The following PI4KA variants were observed in gnomAD, a reference collection of about 807,000 sequenced individuals.
The protein encoded by PI4KA is phosphatidylinositol 4-kinase alpha, also known as PI4-kinase alpha.
Under a neutral mutation model 271.4 loss-of-function variants are expected in PI4KA, and 122 were observed. The ratio of observed to expected loss-of-function variants is 0.45; its 90% confidence interval spans 0.39 to 0.52. The LOEUF is 0.52. PI4KA is among the 20% of genes least tolerant of loss of function. The probability of loss-of-function intolerance (pLI) is 0.00; values close to 1 mark genes in which losing one functional copy is unlikely to be tolerated. For synonymous variants in PI4KA, 1,041 were observed against 1,078.8 expected (o/e 0.96, Z 0.69); for missense variants, 1,969 against 2,769.1 (o/e 0.71, Z 6.48).
At chr22:20,734,876 C>T (rs1266661262) in intron 32 of PI4KA, among the ~76,000 whole-genome samples, 1 of 152,138 alleles carries the variant, frequency 6.6e-6, no homozygotes, top group Non-Finnish European at 1.5e-5. Context: ...TTCTCTATAA[C>T]CCTGATAACC....
intron 41 of PI4KA, 56 bp downstream of exon 41, chr22:20,727,174 T>C: frequency 6.5e-7 from 1 of 1,531,204 alleles, no homozygotes; most frequent in South Asian, 1.2e-5. Context: ...TCTCACCAGG[T>C]AAGACCCCTC....
rs751110970 is a variant in PI4KA, at chr22:20,753,134, G to A, written c.2838C>T (p.Ala946=). The A allele has an allele frequency of 2.8e-5, 45 of 1,613,804 alleles. No individual in the cohort carries two copies. The highest frequency in any genetic ancestry group is 1.5e-5 in the Non-Finnish European group (18 of 1,180,052). Reference sequence around the variant, plus strand: ...CTTTATCCGCCATCATGTTCAGGAAGGCATCGAATACTTTGTCCGCGACTG... The same window carrying A: ...CTTTATCCGCCATCATGTTCAGGAAAGCATCGAATACTTTGTCCGCGACTG... ...VIAVADKVFD[A]FLNMMADKAK... The change falls in exon 24 of 55, where the codon GCC becomes GCT. Residue 946 remains alanine (A), a synonymous_variant. Coordinates refer to ENST00000255882, the MANE Select transcript of PI4KA (RefSeq NM_058004.4).
Position 20,813,433 on chromosome 22 carries a change from G to A in PI4KA, c.930C>T (p.Val310=), listed in dbSNP as rs868505083. 2 of 1,613,418 alleles carry A rather than the reference G, an allele frequency of 1.2e-6. No homozygotes were observed. Among genetic ancestry groups the A allele is most frequent in the South Asian group, 1.1e-5 (1 of 91,064 alleles). The change falls in exon 8 of 55, where the codon GTC becomes GTT. Residue 310 remains valine, a synonymous_variant. Coordinates refer to ENST00000255882, the MANE Select transcript of PI4KA (RefSeq NM_058004.4). The stretch of plus-strand genomic sequence containing the variant: ...ATGTGACACCGTTGAAAAGGGGAGA[G>A]ACTGAGAAGCTGGAGCTGATGGTTG... The part of the protein sequence containing the change: ...YFSTISSSFS[V]SPLFNGVTYK...
chr22:20,813,549 A>C (rs752427641), intron 7 of PI4KA, 43 bp from the exon 8 acceptor site: 1 of 1,598,504 alleles, frequency 6.3e-7, no homozygotes, highest in Admixed American at 1.7e-5. Context: ...GGTGACAGGC[A>C]ACTAGGGTAC....
rs561975878 is a variant in PI4KA, at chr22:20,801,045, C to T, written c.1724+928G>A. Among the ~76,000 whole-genome samples, 491 of 148,792 alleles carry T rather than the reference C, an allele frequency of 3.3e-3. 4 individuals are homozygous for T. Among genetic ancestry groups the T allele is most frequent in the African/African-American group, 0.012 (468 of 40,552 alleles). ...AGCTGGGATTACAGGCACGTGCCAC[C>T]ACGCCCGGCTAATTTTTTGTATTTG... is the stretch of plus-strand genomic sequence containing the variant. On this transcript the variant is annotated intron_variant, in intron 14 of 54. Transcript: ENST00000255882.
intron 16 of PI4KA, 34 bp from the exon 17 acceptor site, chr22:20,798,721 G>C: frequency 2.1e-6 from 3 of 1,428,786 alleles, no homozygotes; most frequent in Non-Finnish European, 3.0e-6. Flanking sequence ...TCACCATGCA[G>C]GATGCCCTCA....
chr22:20,801,894 A>T (rs1935354267), intron 14 of PI4KA, 79 bp downstream of exon 14: 1 of 1,466,136 alleles, frequency 6.8e-7, no homozygotes, highest in Admixed American at 1.8e-5. Flanking sequence ...TCAAAAAAGA[A>T]GTATAAATGT....
chr22:20,848,047 G>A (rs1926488122), intron 1 of PI4KA, among the ~76,000 whole-genome samples: 1 of 152,010 alleles, frequency 6.6e-6, no homozygotes, highest in Admixed American at 6.6e-5. Flanking sequence ...AGACCAGCCT[G>A]GCCAACATGG....
chr22:20,809,000 G>T (rs77308208), intron 9 of PI4KA, among the ~76,000 whole-genome samples: 152 of 152,278 alleles, frequency 1.0e-3, no homozygotes, highest in African/African-American at 3.5e-3. Flanking sequence ...GAGAGTGTGA[G>T]AGTCATGCCA....
Position 20,733,850 on chromosome 22 carries a change from G to C in PI4KA, c.4053-7C>G, listed in dbSNP as rs758367270. The C allele has an allele frequency of 6.2e-7, 1 of 1,612,082 alleles. No homozygotes were observed. Among genetic ancestry groups the C allele is most frequent in the Non-Finnish European group, 8.5e-7 (1 of 1,179,864 alleles). ...CAGCCCCAGGGTCAGCAGCCTGTGA[G>C]GGAGCCCCGGACCCAGTTAGAGCAG... On this transcript the variant is annotated splice_polypyrimidine_tract_variant and splice_region_variant and intron_variant, in intron 34 of 54. Coordinates refer to ENST00000255882, the MANE Select transcript of PI4KA (RefSeq NM_058004.4).
chr22:20,842,214 C>T (rs1360885012), intron 1 of PI4KA, among the ~76,000 whole-genome samples: 1 of 151,574 alleles, frequency 6.6e-6, no homozygotes, highest in Admixed American at 6.6e-5. Context: ...GGCAACAGAG[C>T]AAGACTCCAT....
rs187004115 is a variant in PI4KA, at chr22:20,830,795, G to T, written c.367+3767C>A. Among the ~76,000 whole-genome samples, 258 of 152,198 alleles carry T rather than the reference G, an allele frequency of 1.7e-3. 2 individuals carry two copies. The highest frequency in any genetic ancestry group is 6.0e-3 in the African/African-American group (249 of 41,518). ...TGTTGTTTGTTCTTTTTTTGAGACA[G>T]AGTTTCATTCCTGTTGCCCAGGCTG... On this transcript the variant is annotated intron_variant, in intron 3 of 54. Transcript: ENST00000255882.
chr22:20,740,462 A>G (rs976338194), intron 32 of PI4KA, among the ~76,000 whole-genome samples: 3 of 151,906 alleles, frequency 2.0e-5, no homozygotes, highest in South Asian at 4.1e-4. Flanking sequence ...GGAAGTAAAA[A>G]AAAAAAAGAA....
chr22:20,854,452 C>A (rs1927350419), intron 1 of PI4KA, among the ~76,000 whole-genome samples: 1 of 151,912 alleles, frequency 6.6e-6, no homozygotes, highest in Admixed American at 6.6e-5. Flanking sequence ...GTAAAGTCCA[C>A]AGAGCAGTAA....
intron 19 of PI4KA, among the ~76,000 whole-genome samples, chr22:20,777,568 G>A (rs1488511556): frequency 2.0e-5 from 3 of 152,140 alleles, no homozygotes; most frequent in African/African-American, 7.2e-5. Context: ...TGCCCACACT[G>A]GTCTTGAGCT....
intron 16 of PI4KA, 190 bp downstream of exon 16, chr22:20,798,903 A>G: frequency 1.6e-6 from 1 of 627,564 alleles, no homozygotes. Context: ...TACACTGACA[A>G]GAAATTAAAC....
chr22:20,729,614 T>G lies in PI4KA; in HGVS notation c.4488+18A>C. 1.3e-6 allele frequency: 2 copies of G among 1,560,040 alleles called. No homozygotes were observed. Among genetic ancestry groups the G allele is most frequent in the Non-Finnish European group, 1.7e-6 (2 of 1,151,030 alleles). On this transcript the variant is annotated intron_variant, in intron 38 of 54. Transcript: ENST00000255882. ...GCAGGTGGCGGGCAGCAGGCACAGC[T>G]GCACCTGTGGGCCTTACCAGCAGGG... is the stretch of plus-strand genomic sequence containing the variant.
intron 32 of PI4KA, among the ~76,000 whole-genome samples, chr22:20,734,966 T>C (rs1172748118): frequency 6.6e-6 from 1 of 152,204 alleles, no homozygotes; most frequent in Non-Finnish European, 1.5e-5. Context: ...ATCCAGAGCC[T>C]GGCTCCTCCT....
At chr22:20,724,117 C>T (rs1231774729) in intron 42 of PI4KA, among the ~76,000 whole-genome samples, 1 of 149,726 alleles carries the variant, frequency 6.7e-6, no homozygotes, top group Non-Finnish European at 1.5e-5. Context: ...GGATTACAGG[C>T]GTGAGCCACT....
Sources: gnomAD v4.1 joint callset for allele counts (sites outside exome capture counted in the v4.1 genomes callset) on GRCh38, gnomAD v4.1.1 for gene constraint, MANE v1.5 for transcripts, NCBI Gene and HGNC (gene_info 2026-07-23, HGNC 2026-07-21) for gene names.